SNX9: variants seen among roughly 807,000 people sequenced by gnomAD.
SNX9 encodes the protein sorting nexin 9.
SNX9 carries 44 observed loss-of-function variants against 89.4 expected under a neutral mutation model. The observed-to-expected ratio is 0.49, with a 90% CI of 0.39 to 0.63. SNX9 has a LOEUF of 0.63. SNX9 is among the 30% of genes least tolerant of loss of function. SNX9 has a pLI of 0.00. For synonymous variants in SNX9, 236 were observed against 247.8 expected (o/e 0.95, Z 0.45); for missense variants, 578 against 736.1 (o/e 0.79, Z 2.49).
chr6:157,842,086 A>G (rs1318421337), intron 1 of SNX9, among the ~76,000 whole-genome samples: 2 of 152,162 alleles, frequency 1.3e-5, no homozygotes, highest in Non-Finnish European at 2.9e-5. Context: ...GACTTAAATA[A>G]CTGTAATTCC....
chr6:157,919,090 A>T (rs1350669753), intron 9 of SNX9, among the ~76,000 whole-genome samples: 1 of 152,152 alleles, frequency 6.6e-6, no homozygotes, highest in African/African-American at 2.4e-5. Flanking sequence ...CACCATCTTT[A>T]GTAATTTCTT....
intron 1 of SNX9, among the ~76,000 whole-genome samples, chr6:157,840,419 C>CTTTCCT (rs1781676644): frequency 1.4e-5 from 2 of 141,506 alleles, no homozygotes; most frequent in South Asian, 4.4e-4. Context: ...TTCTTTCTTT[C>CTTTCCT]TTTTCTTTCT....
intron 4 of SNX9, among the ~76,000 whole-genome samples, chr6:157,887,523 G>A (rs1782760954): frequency 1.3e-5 from 2 of 152,260 alleles, no homozygotes; most frequent in Middle Eastern, 3.4e-3. Context: ...AGCTTTGTGT[G>A]GGTTTTCCAT....
At chr6:157,867,494 T>A in intron 1 of SNX9, 53 bp from the exon 2 acceptor site, 1 of 1,459,506 alleles carries the variant, frequency 6.9e-7, no homozygotes. Context: ...TTTTGTGTTT[T>A]TACTACTCTG....
chr6:157,937,160 T>C (rs534263478), intron 14 of SNX9, among the ~76,000 whole-genome samples: 1 of 152,376 alleles, frequency 6.6e-6, no homozygotes, highest in Non-Finnish European at 1.5e-5. Context: ...TGAACTTCCT[T>C]CATGGTGGTA....
chr6:157,870,418 A>G (rs530109738), intron 2 of SNX9, among the ~76,000 whole-genome samples: 2 of 151,626 alleles, frequency 1.3e-5, no homozygotes, highest in South Asian at 4.2e-4. Context: ...CTGCTCTCAC[A>G]CACGCACACT....
chr6:157,919,816 AT>A (rs1783547493), intron 9 of SNX9, among the ~76,000 whole-genome samples: 1 of 151,962 alleles, frequency 6.6e-6, no homozygotes, highest in African/African-American at 2.4e-5. Flanking sequence ...AAAACTGGAC[AT>A]TTTTGAGAAT....
intron 4 of SNX9, among the ~76,000 whole-genome samples, chr6:157,888,611 G>A (rs913957155): frequency 6.6e-6 from 1 of 151,938 alleles, no homozygotes; most frequent in Non-Finnish European, 1.5e-5. Context: ...GAAAGTCTCA[G>A]CCAGTCACCA....
rs560200230 is a variant in SNX9, at chr6:157,867,867, CAGTT to C, written c.99+236_99+239del. On this transcript the variant is annotated intron_variant, in intron 2 of 17. Transcript: ENST00000392185. The stretch of plus-strand genomic sequence containing the variant: ...ATACAGGAAAAAAGTTCCCTAAAGA[CAGTT>C]ATGTATGTAATTGAGTTTATTATGT... Among the ~76,000 whole-genome samples the C allele has an allele frequency of 2.5e-3, 388 of 152,248 alleles. 1 individual carries two copies. Among genetic ancestry groups the C allele is most frequent in the African/African-American group, 8.7e-3 (361 of 41,550 alleles).
intron 15 of SNX9, among the ~76,000 whole-genome samples, chr6:157,938,203 C>T (rs975808968): frequency 1.3e-5 from 2 of 152,198 alleles, no homozygotes; most frequent in Admixed American, 1.3e-4. Context: ...AGAATCAGCA[C>T]ACTTAGGCAC....
At chr6:157,827,846 C>G (rs1781410118) in intron 1 of SNX9, among the ~76,000 whole-genome samples, 1 of 146,972 alleles carries the variant, frequency 6.8e-6, no homozygotes, top group Non-Finnish European at 1.5e-5. Context: ...TAACAAGATT[C>G]TAGGAGTTCC....
intron 4 of SNX9, among the ~76,000 whole-genome samples, chr6:157,882,946 C>G (rs900209917): frequency 9.2e-5 from 14 of 152,190 alleles, no homozygotes; most frequent in African/African-American, 2.9e-4. Context: ...GAAAGAAGTT[C>G]TACTGTGGGC....
intron 1 of SNX9, among the ~76,000 whole-genome samples, chr6:157,825,071 A>G (rs1383106190): frequency 6.6e-6 from 1 of 152,130 alleles, no homozygotes; most frequent in Admixed American, 6.5e-5. Flanking sequence ...AATATGGTGA[A>G]ACCCTGTCTC....
chr6:157,862,373 A>G (rs1439114485), intron 1 of SNX9, among the ~76,000 whole-genome samples: 1 of 152,240 alleles, frequency 6.6e-6, no homozygotes, highest in African/African-American at 2.4e-5. Flanking sequence ...TGCTTAAGTT[A>G]AACAAGCTTG....
At chr6:157,937,948 ATAACT>A (rs1318650001) in intron 15 of SNX9, among the ~76,000 whole-genome samples, 3 of 152,266 alleles carry the variant, frequency 2.0e-5, no homozygotes, top group Non-Finnish European at 4.4e-5. Context: ...ACAACTTCAG[ATAACT>A]TAATATAAAA....
At chr6:157,883,940 T>G (rs1782680082) in intron 4 of SNX9, among the ~76,000 whole-genome samples, 1 of 152,260 alleles carries the variant, frequency 6.6e-6, no homozygotes, top group South Asian at 2.1e-4. Context: ...ATAAGAGACT[T>G]TGTACCATAA....
chr6:157,824,712 T>G (rs912842266), intron 1 of SNX9, among the ~76,000 whole-genome samples: 2 of 152,236 alleles, frequency 1.3e-5, no homozygotes, highest in Non-Finnish European at 2.9e-5. Context: ...GGGAACCTGT[T>G]GCTGCTGTTA....
rs559175259 is a variant in SNX9 at position 157,839,700 on chromosome 6, C to T, written c.12+16254C>T. Among the ~76,000 whole-genome samples the T allele has an allele frequency of 6.6e-5, 10 of 152,302 alleles. No homozygotes were observed. In the South Asian group the frequency reaches 1.9e-3, roughly 28 times the overall value. ...CCACCGCCTCTTGCCCAGGGTGAAG[C>T]ATAATTTGAGGGTGGGGATGGTAAC... is the stretch of plus-strand genomic sequence containing the variant. On this transcript the variant is annotated intron_variant, in intron 1 of 17. Transcript: ENST00000392185.
At chr6:157,856,674 A>G (rs1354015439) in intron 1 of SNX9, among the ~76,000 whole-genome samples, 2 of 151,890 alleles carry the variant, frequency 1.3e-5, no homozygotes, top group Non-Finnish European at 1.5e-5. Context: ...CTTATCCCCT[A>G]CTTGTTTTGT....
Sources: gnomAD v4.1 joint callset for allele counts (sites outside exome capture counted in the v4.1 genomes callset) on GRCh38, gnomAD v4.1.1 for gene constraint, MANE v1.5 for transcripts, NCBI Gene and HGNC (gene_info 2026-07-23, HGNC 2026-07-21) for gene names.